The following LRRIQ3 variants were observed in gnomAD, a reference collection of about 807,000 sequenced individuals.
LRRIQ3 encodes leucine-rich repeat and IQ domain-containing protein 3.
In LRRIQ3, 75 loss-of-function variants were observed where a neutral mutation model predicts 59.3. That is an observed-to-expected ratio of 1.26 (90% CI 1.05 to 1.53). The LOEUF (loss-of-function observed/expected upper bound fraction) is 1.53. Ranked by LOEUF, LRRIQ3 falls within the 40% of genes most tolerant of loss-of-function variation. The probability of loss-of-function intolerance (pLI) is 0.00; values close to 1 mark genes in which losing one functional copy is unlikely to be tolerated. For missense variants in LRRIQ3, 831 were observed against 710.0 expected (o/e 1.17, Z -1.94); for synonymous variants, 250 against 231.3 (o/e 1.08, Z -0.73).
At chr1:74,162,414 A>G (rs1230237364) in intron 3 of LRRIQ3, among the ~76,000 whole-genome samples, 1 of 151,898 alleles carries the variant, frequency 6.6e-6, no homozygotes, top group Non-Finnish European at 1.5e-5. Context: ...AAAACTATCA[A>G]CAATCAATAA....
At chr1:74,170,068 T>C (rs958647495) in intron 3 of LRRIQ3, among the ~76,000 whole-genome samples, 1 of 152,192 alleles carries the variant, frequency 6.6e-6, no homozygotes, top group Non-Finnish European at 1.5e-5. Flanking sequence ...TTATATAATT[T>C]AGAAATTTAC....
intron 1 of LRRIQ3, among the ~76,000 whole-genome samples, chr1:74,186,579 A>G (rs1650392936): frequency 2.0e-5 from 3 of 152,302 alleles, no homozygotes; most frequent in Admixed American, 2.0e-4. Flanking sequence ...TTTCTACATA[A>G]AATTTGTAAT....
chr1:74,087,381 C>CTTTTTTTTTT (rs57068994), intron 5 of LRRIQ3, among the ~76,000 whole-genome samples: 22 of 59,010 alleles, frequency 3.7e-4, no homozygotes, highest in African/African-American at 1.5e-3. Context: ...AAAATTTTAT[C>CTTTTTTTTTT]TTTTTTTTTT....
At chr1:74,046,757 A>C (rs894394676) in intron 6 of LRRIQ3, among the ~76,000 whole-genome samples, 44 of 152,312 alleles carry the variant, frequency 2.9e-4, no homozygotes, top group African/African-American at 9.1e-4. Context: ...TACAAGAAAA[A>C]AAACAAACAA....
chr1:74,116,472 G>C (rs1042933020), intron 4 of LRRIQ3, among the ~76,000 whole-genome samples: 13 of 151,716 alleles, frequency 8.6e-5, no homozygotes, highest in Non-Finnish European at 1.6e-4. Flanking sequence ...AATAACTTCA[G>C]CAATTTCAGA....
chr1:74,155,599 G>A (rs1172390219), intron 4 of LRRIQ3, 134 bp downstream of exon 4: 3 of 641,800 alleles, frequency 4.7e-6, no homozygotes, highest in Middle Eastern at 4.5e-4. Context: ...TTTTCTTAAA[G>A]TTAGGTTAAA....
chr1:74,125,724 CT>C (rs1184191875), intron 4 of LRRIQ3, among the ~76,000 whole-genome samples: 3 of 151,928 alleles, frequency 2.0e-5, no homozygotes, highest in African/African-American at 7.2e-5. Flanking sequence ...GATGAATGCT[CT>C]TTTTAATGTG....
chr1:74,147,668 G>A (rs1430293632), intron 4 of LRRIQ3, among the ~76,000 whole-genome samples: 1 of 152,130 alleles, frequency 6.6e-6, no homozygotes, highest in African/African-American at 2.4e-5. Flanking sequence ...GTCTGAGGGG[G>A]ATTTCCTTAT....
chr1:74,193,300 T>C (rs1380388658), intron 1 of LRRIQ3, among the ~76,000 whole-genome samples: 1 of 152,140 alleles, frequency 6.6e-6, no homozygotes. Context: ...CAACCACAGT[T>C]TCAAAGAAAT....
chr1:74,151,985 C>T (rs888639330), intron 4 of LRRIQ3, among the ~76,000 whole-genome samples: 1 of 151,980 alleles, frequency 6.6e-6, no homozygotes, highest in East Asian at 1.9e-4. Flanking sequence ...ATCACTATCT[C>T]GTTCTTTACA....
intron 4 of LRRIQ3, among the ~76,000 whole-genome samples, chr1:74,151,746 T>C (rs979562356): frequency 3.3e-5 from 5 of 151,992 alleles, no homozygotes; most frequent in Admixed American, 6.6e-5. Context: ...GAGAATTTCC[T>C]GGGAAAATAA....
chr1:74,074,423 C>G (rs1557603420), intron 6 of LRRIQ3, among the ~76,000 whole-genome samples: 4 of 152,058 alleles, frequency 2.6e-5, no homozygotes, highest in Admixed American at 6.6e-5. Context: ...CTTCCAGTCA[C>G]TACTCCCCTA....
chr1:74,069,675 G>C (rs1031570397), intron 6 of LRRIQ3, among the ~76,000 whole-genome samples: 1 of 151,976 alleles, frequency 6.6e-6, no homozygotes, highest in African/African-American at 2.4e-5. Flanking sequence ...CCATTTATTT[G>C]ATAATATAAA....
chr1:74,132,917 A>G (rs375582365), intron 4 of LRRIQ3, among the ~76,000 whole-genome samples: 10 of 152,046 alleles, frequency 6.6e-5, no homozygotes, highest in Non-Finnish European at 8.8e-5. Flanking sequence ...TACCATCAGA[A>G]TGAACAGGCA....
At position 74,135,100 on chromosome 1, in the gene LRRIQ3, G is replaced by C. The variant is rs1295153918; in HGVS notation, c.707+20633C>G. ...AGAGTGACTATAAGAAGCTGGAGTG[G>C]GTATTCTAATATTAGACAAAATAGA... is the stretch of plus-strand genomic sequence containing the variant. On this transcript the variant is annotated intron_variant, in intron 4 of 7. Transcript: ENST00000354431. Among the ~76,000 whole-genome samples the C allele has an allele frequency of 2.6e-5, 4 of 151,676 alleles. No individual in the cohort carries two copies. The East Asian group carries it at 5.8e-4, about 22-fold the overall frequency.
chr1:74,079,708 T>G (rs1646251969), intron 5 of LRRIQ3, among the ~76,000 whole-genome samples: 1 of 151,880 alleles, frequency 6.6e-6, no homozygotes, highest in Non-Finnish European at 1.5e-5. Flanking sequence ...AATTATTCAT[T>G]AAATGCTGAA....
At position 74,026,479 on chromosome 1, in the gene LRRIQ3, C is replaced by G. The variant is rs763045041; in HGVS notation, c.*334G>C. 1 of 167,198 alleles carries G rather than the reference C, an allele frequency of 6.0e-6. No individual in the cohort carries two copies. Among genetic ancestry groups the G allele is most frequent in the Admixed American group, 6.4e-5 (1 of 15,636 alleles). The allele number at this position is 167,198 out of a possible 1,614,324, so 10.4% of individuals were successfully genotyped here. On this transcript the variant is annotated 3_prime_UTR_variant, in exon 8 of 8. Transcript: ENST00000354431. ...TACTATTCTAAGGTTTCCAGAAAAA[C>G]CTAAATTAGCTTATGAATTGCTATA... is the stretch of plus-strand genomic sequence containing the variant.
intron 5 of LRRIQ3, among the ~76,000 whole-genome samples, chr1:74,097,085 G>C (rs1646459660): frequency 6.6e-6 from 1 of 152,008 alleles, no homozygotes; most frequent in Admixed American, 6.6e-5. Context: ...TGTCAGACAG[G>C]GACATTTAAG....
At chr1:74,049,024 G>T (rs533854936) in intron 6 of LRRIQ3, among the ~76,000 whole-genome samples, 1 of 152,164 alleles carries the variant, frequency 6.6e-6, no homozygotes, top group Non-Finnish European at 1.5e-5. Flanking sequence ...ATAGGAATGG[G>T]TTTTTAGAGG....
Sources: gnomAD v4.1 joint callset for allele counts (sites outside exome capture counted in the v4.1 genomes callset) on GRCh38, gnomAD v4.1.1 for gene constraint, MANE v1.5 for transcripts, NCBI Gene and HGNC (gene_info 2026-07-23, HGNC 2026-07-21) for gene names.